LARGE1: variants seen among roughly 807,000 people sequenced by gnomAD.
LARGE1 encodes xylosyl- and glucuronyltransferase LARGE1.
Under a neutral mutation model 87.6 loss-of-function variants are expected in LARGE1, and 43 were observed. The ratio of observed to expected loss-of-function variants is 0.49; its 90% CI spans 0.38 to 0.63. The LOEUF (loss-of-function observed/expected upper bound fraction) is 0.63, where lower values mean the gene tolerates loss of function less well. LARGE1 is among the 30% of genes least tolerant of loss of function. The pLI is 0.00. For synonymous variants in LARGE1, 434 were observed against 394.6 expected, an observed-to-expected ratio of 1.10 and a Z score of -1.18; for missense variants, 802 against 1,000.2, an observed-to-expected ratio of 0.80 and a Z score of 2.67.
At chr22:33,645,631 G>T (rs1346953167) in intron 3 of LARGE1, among the ~76,000 whole-genome samples, 2 of 152,140 alleles carry the variant, frequency 1.3e-5, no homozygotes, top group Non-Finnish European at 2.9e-5. Context: ...CACAGCAAAA[G>T]AAACTATCAT....
intron 6 of LARGE1, among the ~76,000 whole-genome samples, chr22:33,526,839 G>A (rs2071923598): frequency 1.3e-5 from 2 of 152,124 alleles, no homozygotes; most frequent in South Asian, 2.1e-4. Flanking sequence ...AATACACAAG[G>A]CAAGGGGTTG....
chr22:33,248,160 A>C (rs1926851512), intron 11 of LARGE1, among the ~76,000 whole-genome samples: 1 of 152,026 alleles, frequency 6.6e-6, no homozygotes, highest in African/African-American at 2.4e-5. Context: ...GAGAGTTTCC[A>C]TACGCCACCT....
chr22:33,567,344 A>G (rs1219191270), intron 5 of LARGE1, among the ~76,000 whole-genome samples: 1 of 152,228 alleles, frequency 6.6e-6, no homozygotes, highest in Non-Finnish European at 1.5e-5. Context: ...GGTACACAAA[A>G]TATACTCAGT....
chr22:33,111,576 C>CAA, the LARGE1 span, among the ~76,000 whole-genome samples: 1 of 152,112 alleles, frequency 6.6e-6, no homozygotes, highest in Non-Finnish European at 1.5e-5. Context: ...GACAATTCCC[C>CAA]CCGTCCAGAC....
At chr22:33,177,712 T>C (rs976339780) in intron 11 of LARGE1, among the ~76,000 whole-genome samples, 1 of 152,172 alleles carries the variant, frequency 6.6e-6, no homozygotes, top group Non-Finnish European at 1.5e-5. Context: ...TGGGATGGTG[T>C]AGGAAACCAC....
At chr22:33,384,730 G>A (rs1240993188) in intron 7 of LARGE1, among the ~76,000 whole-genome samples, 2 of 148,498 alleles carry the variant, frequency 1.3e-5, no homozygotes, top group Non-Finnish European at 3.0e-5. Flanking sequence ...TCAACTGTAC[G>A]TTTAAACATG....
chr22:33,304,823 A>G (rs1934654599), intron 11 of LARGE1, among the ~76,000 whole-genome samples: 1 of 152,096 alleles, frequency 6.6e-6, no homozygotes, highest in South Asian at 2.1e-4. Flanking sequence ...TCCAGCCCCA[A>G]AGTCCTACAC....
chr22:33,768,268 C>A (rs115024680), intron 1 of LARGE1, among the ~76,000 whole-genome samples: 1,846 of 152,126 alleles, frequency 0.012, 38 homozygotes, highest in African/African-American at 0.043. Context: ...GAGATTGTGC[C>A]GCCTGGGCGA....
chr22:33,274,627 GGAA>G lies in LARGE1; in HGVS notation c.2074-6_2074-4del, dbSNP rs1231712420. ...GGCAGCACAATGAACTCATACTCCT[GGAA>G]GAAGACAAGAGCAGCGTGAGAACCC... On this transcript the variant is annotated splice_region_variant and splice_polypyrimidine_tract_variant and intron_variant, in intron 14 of 14. Coordinates refer to ENST00000397394, the MANE Select transcript of LARGE1 (RefSeq NM_133642.5). 1.2e-6 allele frequency: 2 copies of G among 1,613,998 alleles called. No individual in the cohort carries two copies. The highest frequency in any genetic ancestry group is 1.1e-5 in the South Asian group (1 of 91,074).
intron 1 of LARGE1, among the ~76,000 whole-genome samples, chr22:33,867,315 G>A (rs1436268844): frequency 1.3e-5 from 2 of 152,154 alleles, no homozygotes; most frequent in African/African-American, 4.8e-5. Context: ...CATGGCCTTT[G>A]CACACATGCC....
At chr22:33,651,877 T>C (rs1006296439) in intron 2 of LARGE1, among the ~76,000 whole-genome samples, 1 of 152,106 alleles carries the variant, frequency 6.6e-6, no homozygotes, top group Non-Finnish European at 1.5e-5. Flanking sequence ...AACCCTGCAA[T>C]AAAAACTGAG....
chr22:33,445,018 C>A (rs1197415241), intron 6 of LARGE1, among the ~76,000 whole-genome samples: 1 of 152,068 alleles, frequency 6.6e-6, no homozygotes, highest in Non-Finnish European at 1.5e-5. Flanking sequence ...TTGGTAGAGA[C>A]GCGGTTTCGC....
At chr22:33,441,626 TA>T (rs1181652015) in intron 6 of LARGE1, among the ~76,000 whole-genome samples, 4 of 152,004 alleles carry the variant, frequency 2.6e-5, no homozygotes, top group East Asian at 1.9e-4. Context: ...CAGCTAACTT[TA>T]AATTTTTTTT....
chr22:33,441,882 G>A (rs764391405), intron 6 of LARGE1, among the ~76,000 whole-genome samples: 2 of 152,168 alleles, frequency 1.3e-5, no homozygotes, highest in Non-Finnish European at 2.9e-5. Flanking sequence ...TCCTTCAGAT[G>A]CGATCTATGT....
At chr22:33,093,514 C>T in the LARGE1 span, among the ~76,000 whole-genome samples, 1 of 152,042 alleles carries the variant, frequency 6.6e-6, no homozygotes, top group African/African-American at 2.4e-5. Flanking sequence ...CGTAAATGGA[C>T]CCAGGAGACA....
In LARGE1 at chr22:33,166,833, C is replaced by A. The variant is rs1188962518; in HGVS notation, c.1731-1G>T. ...AGATAGGGTCTGGCTAAAATCAAAG[C>A]TAGAAGCAAAAGAGAATGAGAAAGG... is the stretch of plus-strand genomic sequence containing the variant. On this transcript the variant is annotated splice_acceptor_variant, in intron 11 of 11. Transcript: ENST00000608642. LOFTEE classifies it high-confidence loss of function. 2.8e-5 allele frequency: 13 copies of A among 471,356 alleles called. No homozygotes were observed. In the Admixed American group the frequency reaches 2.8e-4, roughly 10 times the overall value. The allele number at this position is 471,356 out of a possible 1,614,324, so 29.2% of individuals were successfully genotyped here. A position where few individuals can be genotyped will look rare whatever the true frequency, so the allele number is the denominator to read the frequency against.
At chr22:33,533,448 C>T (rs868647587) in intron 6 of LARGE1, among the ~76,000 whole-genome samples, 6 of 152,172 alleles carry the variant, frequency 3.9e-5, no homozygotes, top group Middle Eastern at 3.4e-3. Flanking sequence ...GGAAACTTTG[C>T]GGCAGGCTGC....
At chr22:33,686,410 G>A (rs997218670) in intron 2 of LARGE1, among the ~76,000 whole-genome samples, 2 of 151,920 alleles carry the variant, frequency 1.3e-5, no homozygotes, top group Non-Finnish European at 2.9e-5. Context: ...GGCCGTGGTG[G>A]TGCGTGCCTG....
chr22:33,523,892 T>C (rs1213195435), intron 6 of LARGE1, among the ~76,000 whole-genome samples: 2 of 152,194 alleles, frequency 1.3e-5, no homozygotes, highest in East Asian at 1.9e-4. Flanking sequence ...AATATGTGTG[T>C]ATAGTTCTAT....
Sources: gnomAD v4.1 joint callset for allele counts (sites outside exome capture counted in the v4.1 genomes callset) on GRCh38, gnomAD v4.1.1 for gene constraint, MANE v1.5 for transcripts, NCBI Gene and HGNC (gene_info 2026-07-23, HGNC 2026-07-21) for gene names.